Variants in CCSER1 observed in about 807,000 individuals in gnomAD.
The protein encoded by CCSER1 is serine-rich coiled-coil domain-containing protein 1.
Under a neutral mutation model 82.0 loss-of-function variants are expected in CCSER1, and 41 were observed. The observed-to-expected ratio is 0.50, with a 90% CI of 0.39 to 0.65. The LOEUF is 0.65. Ranked by LOEUF, CCSER1 falls within the 30% of genes least tolerant of loss-of-function variation. CCSER1 has a pLI of 0.00. For missense variants in CCSER1, 1,119 were observed against 1,064.2 expected, an observed-to-expected ratio of 1.05 and a Z score of -0.72; for synonymous variants, 414 against 383.9, an observed-to-expected ratio of 1.08 and a Z score of -0.92.
chr4:91,375,344 A>C (rs1022509172), intron 10 of CCSER1, among the ~76,000 whole-genome samples: 10 of 152,322 alleles, frequency 6.6e-5, no homozygotes, highest in African/African-American at 2.4e-4. Flanking sequence ...GACCAGAAGT[A>C]AATTAGAACA....
At chr4:91,530,731 C>T (rs1266017447) in intron 10 of CCSER1, among the ~76,000 whole-genome samples, 15 of 148,172 alleles carry the variant, frequency 1.0e-4, no homozygotes, top group Non-Finnish European at 1.8e-4. Context: ...TTGCCCAGGG[C>T]GGACAGAGTG....
At chr4:90,610,188 GC>G (rs1785265391) in intron 5 of CCSER1, among the ~76,000 whole-genome samples, 1 of 151,990 alleles carries the variant, frequency 6.6e-6, no homozygotes, top group Non-Finnish European at 1.5e-5. Context: ...AGGAGGCGGA[GC>G]TTGCAGTGAG....
intron 6 of CCSER1, among the ~76,000 whole-genome samples, chr4:90,699,080 G>C (rs960491447): frequency 6.6e-6 from 1 of 152,002 alleles, no homozygotes; most frequent in Non-Finnish European, 1.5e-5. Flanking sequence ...CAGCCGGGGC[G>C]AAAGACTGAG....
intron 4 of CCSER1, among the ~76,000 whole-genome samples, chr4:90,448,090 A>G (rs755752785): frequency 3.9e-5 from 6 of 152,190 alleles, no homozygotes; most frequent in Non-Finnish European, 7.4e-5. Flanking sequence ...AATACTTTGC[A>G]AATTCTTTTT....
intron 1 of CCSER1, among the ~76,000 whole-genome samples, chr4:90,164,268 T>C (rs1446819291): frequency 1.3e-5 from 2 of 152,040 alleles, no homozygotes; most frequent in Non-Finnish European, 2.9e-5. Context: ...GTTTTTTTTT[T>C]TTTCTTCAAA....
intron 8 of CCSER1, among the ~76,000 whole-genome samples, chr4:90,849,397 C>G (rs559072519): frequency 6.6e-6 from 1 of 152,212 alleles, no homozygotes; most frequent in Admixed American, 6.5e-5. Flanking sequence ...AGAGAGATGA[C>G]TTAGGGTATC....
intron 6 of CCSER1, among the ~76,000 whole-genome samples, chr4:90,687,035 C>T (rs1010993907): frequency 2.6e-5 from 4 of 152,110 alleles, no homozygotes; most frequent in Non-Finnish European, 5.9e-5. Context: ...TCTTACCTAT[C>T]GTCTTTCTCT....
intron 8 of CCSER1, among the ~76,000 whole-genome samples, chr4:90,888,265 A>G (rs1474130201): frequency 6.6e-6 from 1 of 152,192 alleles, no homozygotes; most frequent in African/African-American, 2.4e-5. Flanking sequence ...GGGATATATA[A>G]AAAGTAGATT....
chr4:90,512,672 C>G (rs900772942), intron 5 of CCSER1, among the ~76,000 whole-genome samples: 1 of 151,982 alleles, frequency 6.6e-6, no homozygotes, highest in Non-Finnish European at 1.5e-5. Context: ...TGATATATTC[C>G]AATAAAATGA....
intron 5 of CCSER1, among the ~76,000 whole-genome samples, chr4:90,563,392 G>T (rs1779010311): frequency 6.6e-6 from 1 of 152,072 alleles, no homozygotes; most frequent in African/African-American, 2.4e-5. Context: ...TTACAGTTGT[G>T]CACCATTGCG....
intron 6 of CCSER1, among the ~76,000 whole-genome samples, chr4:90,685,536 AT>A (rs943750447): frequency 1.3e-5 from 2 of 152,174 alleles, no homozygotes; most frequent in African/African-American, 4.8e-5. Flanking sequence ...CATTTAAAAA[AT>A]GTCCATGCTC....
At chr4:90,330,908 GC>G (rs1408068189) in intron 3 of CCSER1, among the ~76,000 whole-genome samples, 1 of 152,008 alleles carries the variant, frequency 6.6e-6, no homozygotes, top group African/African-American at 2.4e-5. Flanking sequence ...TGAATCTTCA[GC>G]TTTTCATGAT....
intron 1 of CCSER1, among the ~76,000 whole-genome samples, chr4:90,209,769 G>GTT (rs558737681): frequency 3.1e-5 from 4 of 129,060 alleles, no homozygotes; most frequent in East Asian, 4.5e-4. Flanking sequence ...TTTGTCTAGT[G>GTT]TTTTTTTTTT....
At chr4:91,191,359 A>T (rs1048666013) in intron 10 of CCSER1, among the ~76,000 whole-genome samples, 1 of 152,126 alleles carries the variant, frequency 6.6e-6, no homozygotes. Flanking sequence ...TTCTGCATCA[A>T]GCTTTCTTCT....
chr4:91,326,394 A>G (rs747871485), intron 10 of CCSER1, among the ~76,000 whole-genome samples: 4 of 152,096 alleles, frequency 2.6e-5, no homozygotes, highest in African/African-American at 7.2e-5. Flanking sequence ...GTGCTACACA[A>G]CTTTATACAA....
At chr4:90,138,218 G>A (rs987340404) in intron 1 of CCSER1, among the ~76,000 whole-genome samples, 2 of 152,082 alleles carry the variant, frequency 1.3e-5, no homozygotes, top group African/African-American at 4.8e-5. Context: ...TTGAGGCAAA[G>A]TCTTGCTCTG....
intron 9 of CCSER1, among the ~76,000 whole-genome samples, chr4:90,957,602 A>AT (rs2150367852): frequency 7.7e-6 from 1 of 130,124 alleles, no homozygotes; most frequent in Non-Finnish European, 1.6e-5. Context: ...TTTATATTAT[A>AT]TATAATATAT....
intron 10 of CCSER1, among the ~76,000 whole-genome samples, chr4:91,340,671 C>T (rs531794127): frequency 1.8e-4 from 27 of 152,042 alleles, no homozygotes; most frequent in African/African-American, 6.5e-4. Flanking sequence ...TAGATAATTA[C>T]AGCTTATAAA....
intron 10 of CCSER1, among the ~76,000 whole-genome samples, chr4:91,481,993 T>G (rs1757941288): frequency 1.3e-5 from 2 of 152,038 alleles, no homozygotes; most frequent in Admixed American, 6.6e-5. Context: ...AAGAAGACAT[T>G]TATGCAGCCA....
Sources: gnomAD v4.1 joint callset for allele counts (sites outside exome capture counted in the v4.1 genomes callset) on GRCh38, gnomAD v4.1.1 for gene constraint, MANE v1.5 for transcripts, NCBI Gene and HGNC (gene_info 2026-07-23, HGNC 2026-07-21) for gene names.